The following NR2F1-AS1 variants were observed in gnomAD, a reference collection of about 807,000 sequenced individuals.
NR2F1-AS1 encodes NR2F1 regulatory antisense RNA 1, also known as NR2F1 antisense RNA 1.
intron 4 of NR2F1-AS1, among the ~76,000 whole-genome samples, chr5:93,521,114 G>A (rs2149895362): frequency 6.6e-6 from 1 of 152,176 alleles, no homozygotes; most frequent in East Asian, 1.9e-4. Flanking sequence ...AACACGCAAT[G>A]GGGAAAAGAC....
intron 4 of NR2F1-AS1, among the ~76,000 whole-genome samples, chr5:93,415,382 T>C (rs1748948355): frequency 6.6e-6 from 1 of 152,168 alleles, no homozygotes; most frequent in Non-Finnish European, 1.5e-5. Flanking sequence ...CAAGCTATTA[T>C]TGCTGATCTT....
chr5:93,445,874 TG>T (rs1749693218), intron 4 of NR2F1-AS1, among the ~76,000 whole-genome samples: 2 of 152,340 alleles, frequency 1.3e-5, no homozygotes, highest in East Asian at 3.9e-4. Context: ...GCTTCATCCC[TG>T]GGATGCAAGG....
At chr5:93,439,402 C>G (rs898446259) in intron 4 of NR2F1-AS1, among the ~76,000 whole-genome samples, 4 of 152,176 alleles carry the variant, frequency 2.6e-5, no homozygotes, top group African/African-American at 4.8e-5. Flanking sequence ...TCACGCCATT[C>G]TCCTGCCTCA....
At chr5:93,516,121 C>G (rs1408265693) in intron 4 of NR2F1-AS1, among the ~76,000 whole-genome samples, 1 of 151,818 alleles carries the variant, frequency 6.6e-6, no homozygotes, top group African/African-American at 2.4e-5. Flanking sequence ...ATGCCTACTG[C>G]AGTATTTTTC....
intron 2 of NR2F1-AS1, among the ~76,000 whole-genome samples, chr5:93,559,988 A>T (rs1191344317): frequency 1.3e-5 from 2 of 152,232 alleles, no homozygotes; most frequent in African/African-American, 4.8e-5. Context: ...ACAAACCTTC[A>T]ATTTGTAAAA....
intron 4 of NR2F1-AS1, among the ~76,000 whole-genome samples, chr5:93,468,263 TCCCA>T (rs1393652587): frequency 6.6e-6 from 1 of 152,194 alleles, no homozygotes; most frequent in Non-Finnish European, 1.5e-5. Context: ...TAATTTACAC[TCCCA>T]CCAACAGTGT....
chr5:93,577,119 A>G (rs1165602460), intron 1 of NR2F1-AS1, among the ~76,000 whole-genome samples: 1 of 152,246 alleles, frequency 6.6e-6, no homozygotes, highest in Admixed American at 6.5e-5. Context: ...ATTTGCATCC[A>G]AAGGTCAGTG....
At chr5:93,470,082 T>A (rs568541697) in intron 4 of NR2F1-AS1, among the ~76,000 whole-genome samples, 87 of 152,074 alleles carry the variant, frequency 5.7e-4, no homozygotes, top group African/African-American at 2.0e-3. Flanking sequence ...AGGTAAATAT[T>A]TACAGGACAG....
chr5:93,581,876 C>A (rs1300353444), upstream of NR2F1-AS1, among the ~76,000 whole-genome samples: 1 of 65,756 alleles, frequency 1.5e-5, no homozygotes, highest in African/African-American at 8.4e-5. Flanking sequence ...CTCCTCTCTC[C>A]TCTCTCTCTC....
intron 4 of NR2F1-AS1, among the ~76,000 whole-genome samples, chr5:93,466,466 C>T (rs987896980): frequency 6.6e-6 from 1 of 151,220 alleles, no homozygotes; most frequent in African/African-American, 2.4e-5. Flanking sequence ...CCTTCCAAGT[C>T]GCTGGGACTA....
intron 1 of NR2F1-AS1, among the ~76,000 whole-genome samples, chr5:93,580,182 G>T (rs959753882): frequency 5.9e-5 from 9 of 152,246 alleles, no homozygotes; most frequent in Admixed American, 2.6e-4. Flanking sequence ...AATAGCGGGT[G>T]GGGGTGGGAG....
chr5:93,481,148 T>C (rs979185529), intron 4 of NR2F1-AS1, among the ~76,000 whole-genome samples: 9 of 151,794 alleles, frequency 5.9e-5, no homozygotes, highest in African/African-American at 1.9e-4. Flanking sequence ...AAAGATATAA[T>C]AAGTTAACAA....
intron 4 of NR2F1-AS1, among the ~76,000 whole-genome samples, chr5:93,515,290 T>C (rs1042708929): frequency 6.6e-6 from 1 of 151,936 alleles, no homozygotes; most frequent in African/African-American, 2.4e-5. Context: ...ATGGGTGGGA[T>C]AGTTACTCCT....
intron 4 of NR2F1-AS1, among the ~76,000 whole-genome samples, chr5:93,536,349 C>G (rs1339383833): frequency 2.0e-5 from 3 of 152,082 alleles, no homozygotes; most frequent in Admixed American, 1.3e-4. Context: ...ATTGTTAAAA[C>G]TGTCATACTA....
rs900630012 is a variant in NR2F1-AS1 at position 93,575,724 on chromosome 5, C to CT, written n.313+4742dup. 7.8e-4 allele frequency among the ~76,000 whole-genome samples: 116 copies of CT among 148,916 alleles called. 1 individual carries two copies. Among genetic ancestry groups the CT allele is most frequent in the South Asian group, 3.2e-3 (15 of 4,694 alleles). On this transcript the variant is annotated intron_variant and non_coding_transcript_variant, in intron 1 of 5. Coordinates refer to ENST00000660523, the Ensembl canonical transcript of NR2F1-AS1. Reference sequence around the variant, plus strand: ...TGTCCATTGTGTTCTTAATTGTTTGCTTTTTTTTTTCAGTACTTAAATATG... The same window carrying CT: ...TGTCCATTGTGTTCTTAATTGTTTGCTTTTTTTTTTTCAGTACTTAAATATG...
chr5:93,572,187 G>A (rs1752784934), intron 1 of NR2F1-AS1, among the ~76,000 whole-genome samples: 1 of 152,250 alleles, frequency 6.6e-6, no homozygotes, highest in Non-Finnish European at 1.5e-5. Context: ...TTTCGGAGCG[G>A]TTTGCGCGCA....
intron 4 of NR2F1-AS1, among the ~76,000 whole-genome samples, chr5:93,514,839 C>T (rs57510455): frequency 6.6e-6 from 1 of 151,978 alleles, no homozygotes; most frequent in East Asian, 1.9e-4. Flanking sequence ...CCAAAATATC[C>T]TTTTTAAAAA....
intron 4 of NR2F1-AS1, among the ~76,000 whole-genome samples, chr5:93,498,527 C>T (rs1488079613): frequency 2.4e-4 from 37 of 152,050 alleles, no homozygotes; most frequent in Admixed American, 2.4e-3. Context: ...TATACACTTC[C>T]AAGCTATTTA....
At chr5:93,427,697 G>T (rs1749223656) in intron 4 of NR2F1-AS1, among the ~76,000 whole-genome samples, 1 of 152,124 alleles carries the variant, frequency 6.6e-6, no homozygotes, top group South Asian at 2.1e-4. Context: ...TTCAGACCAA[G>T]ACCTCTAGAG....
Sources: gnomAD v4.1 joint callset for allele counts (sites outside exome capture counted in the v4.1 genomes callset) on GRCh38, gnomAD v4.1.1 for gene constraint, MANE v1.5 for transcripts, NCBI Gene and HGNC (gene_info 2026-07-23, HGNC 2026-07-21) for gene names.